TNNI3K: variants seen among roughly 807,000 people sequenced by gnomAD.
TNNI3K encodes the protein serine/threonine-protein kinase TNNI3K.
Under a neutral mutation model 114.5 loss-of-function variants are expected in TNNI3K, and 140 were observed. That is an observed-to-expected ratio of 1.22 (90% CI 1.07 to 1.41). The LOEUF (loss-of-function observed/expected upper bound fraction) is 1.41. Among genes scored for constraint, TNNI3K ranks in the 40% most tolerant of loss-of-function variants. TNNI3K has a pLI of 0.00. For missense variants in TNNI3K, 1,125 were observed against 1,007.6 expected, an observed-to-expected ratio of 1.12 and a Z score of -1.58; for synonymous variants, 347 against 347.5, an observed-to-expected ratio of 1.00 and a Z score of 0.02.
rs1040286282 is a variant in TNNI3K at position 74,236,541 on chromosome 1, G to A, written c.149+331G>A. On this transcript the variant is annotated intron_variant, in intron 2 of 24. Transcript: ENST00000326637. ...CATTCTTGTAAACCATGCCGGCAAT[G>A]AAAAGCAAGATTTTTCTTCCCACAT... Among the ~76,000 whole-genome samples the A allele has an allele frequency of 5.9e-5, 9 of 151,766 alleles. No individual in the cohort carries two copies. The South Asian group carries it at 1.7e-3, about 28-fold the overall frequency.
chr1:74,246,645 T>C (rs536186522), intron 2 of TNNI3K, among the ~76,000 whole-genome samples: 10 of 152,266 alleles, frequency 6.6e-5, no homozygotes, highest in Middle Eastern at 3.4e-3. Context: ...AAAAACTATG[T>C]AACCAGCAGC....
chr1:74,451,731 CTT>C (rs1429001292), intron 20 of TNNI3K, among the ~76,000 whole-genome samples: 2 of 49,790 alleles, frequency 4.0e-5, no homozygotes, highest in Non-Finnish European at 7.5e-5. Flanking sequence ...TTCTTTCTTT[CTT>C]TCTTTCTTTC....
intron 17 of TNNI3K, among the ~76,000 whole-genome samples, chr1:74,415,622 G>A (rs888379867): frequency 2.6e-4 from 40 of 151,670 alleles, no homozygotes; most frequent in African/African-American, 9.2e-4. Flanking sequence ...CTTATTAAAT[G>A]TTACTAATTT....
At chr1:74,247,177 G>A (rs1355750212) in intron 2 of TNNI3K, among the ~76,000 whole-genome samples, 1 of 152,154 alleles carries the variant, frequency 6.6e-6, no homozygotes, top group African/African-American at 2.4e-5. Context: ...GTTTGGACGT[G>A]TTCCGAGTTT....
intron 5 of TNNI3K, among the ~76,000 whole-genome samples, chr1:74,310,569 A>T (rs116266522): frequency 6.6e-6 from 1 of 152,216 alleles, no homozygotes; most frequent in Non-Finnish European, 1.5e-5. Context: ...TCCAAACTAT[A>T]CTACAAGCCT....
intron 5 of TNNI3K, among the ~76,000 whole-genome samples, chr1:74,321,631 G>GTGTCTC (rs1189191711): frequency 6.6e-5 from 10 of 151,726 alleles, no homozygotes; most frequent in African/African-American, 2.4e-4. Flanking sequence ...AAGTTAGTGT[G>GTGTCTC]TGTCTCTAAG....
chr1:74,394,382 T>A (rs1409835731), intron 17 of TNNI3K, among the ~76,000 whole-genome samples: 4 of 152,210 alleles, frequency 2.6e-5, no homozygotes, highest in Admixed American at 1.3e-4. Flanking sequence ...ATAACTCTTA[T>A]AAATAATTTT....
intron 5 of TNNI3K, among the ~76,000 whole-genome samples, chr1:74,284,114 T>C (rs1052104512): frequency 3.9e-5 from 6 of 152,150 alleles, no homozygotes; most frequent in Non-Finnish European, 7.4e-5. Context: ...GAATACATTG[T>C]AATAATAATA....
intron 5 of TNNI3K, among the ~76,000 whole-genome samples, chr1:74,291,768 A>G (rs930373891): frequency 1.2e-4 from 18 of 151,494 alleles, no homozygotes; most frequent in African/African-American, 4.1e-4. Flanking sequence ...TTATTATCTT[A>G]AGGTTTGATG....
intron 6 of TNNI3K, among the ~76,000 whole-genome samples, chr1:74,331,976 A>G (rs1660227257): frequency 6.6e-6 from 1 of 152,166 alleles, no homozygotes; most frequent in South Asian, 2.1e-4. Flanking sequence ...TATAGCTGTG[A>G]TGATGCTAAT....
intron 20 of TNNI3K, among the ~76,000 whole-genome samples, chr1:74,457,599 A>G (rs1168254409): frequency 6.6e-6 from 1 of 152,186 alleles, no homozygotes; most frequent in Non-Finnish European, 1.5e-5. Flanking sequence ...CATAAACACA[A>G]TCAAAGTTGA....
chr1:74,368,727 A>G (rs1241666451), intron 13 of TNNI3K, among the ~76,000 whole-genome samples: 1 of 151,734 alleles, frequency 6.6e-6, no homozygotes, highest in African/African-American at 2.4e-5. Context: ...TAGCGCTGGT[A>G]ACCAGATCAG....
At chr1:74,271,969 C>T (rs938232785) in intron 5 of TNNI3K, among the ~76,000 whole-genome samples, 8 of 151,884 alleles carry the variant, frequency 5.3e-5, no homozygotes, top group African/African-American at 1.9e-4. Context: ...GTTTCCACAA[C>T]TTGCTATTTT....
chr1:74,473,329 C>T (rs896152747), intron 21 of TNNI3K, among the ~76,000 whole-genome samples: 2 of 151,656 alleles, frequency 1.3e-5, no homozygotes, highest in African/African-American at 2.4e-5. Context: ...GAACCCAAGT[C>T]TATCTGACAT....
chr1:74,344,505 A>G (rs1660899398), intron 9 of TNNI3K, among the ~76,000 whole-genome samples: 1 of 152,204 alleles, frequency 6.6e-6, no homozygotes, highest in African/African-American at 2.4e-5. Flanking sequence ...AACAGAACAG[A>G]TGCAAGAACT....
At chr1:74,270,487 G>C (rs779711033) in intron 4 of TNNI3K, among the ~76,000 whole-genome samples, 3 of 151,776 alleles carry the variant, frequency 2.0e-5, no homozygotes, top group Non-Finnish European at 4.4e-5. Context: ...TTTCTTGGGA[G>C]AGCAGGTAGA....
At chr1:74,454,038 CTA>C (rs927607654) in intron 20 of TNNI3K, among the ~76,000 whole-genome samples, 3 of 152,098 alleles carry the variant, frequency 2.0e-5, no homozygotes, top group African/African-American at 7.2e-5. Flanking sequence ...TTTAACCTAT[CTA>C]TACCTTAGTT....
At chr1:74,403,572 A>T (rs699839) in intron 17 of TNNI3K, among the ~76,000 whole-genome samples, 141,324 of 152,222 alleles carry the variant, frequency 0.93, 65,622 homozygotes, top group East Asian at 0.98. Flanking sequence ...CATAACAAGT[A>T]ATCAGAGGGG....
rs184935091 is a variant in TNNI3K at position 74,243,889 on chromosome 1, G to T, written c.150-5570G>T. ...GTTAAGTTACAGTGTGGCATGGCAG[G>T]TGATGAAAAATGTAAGGGGAAATTA... On this transcript the variant is annotated intron_variant, in intron 2 of 24. Transcript: ENST00000326637. 1.2e-3 allele frequency among the ~76,000 whole-genome samples: 176 copies of T among 152,170 alleles called. 1 individual carries two copies. Among genetic ancestry groups the T allele is most frequent in the African/African-American group, 4.2e-3 (173 of 41,528 alleles).
Sources: allele counts gnomAD v4.1 joint callset (sites outside exome capture counted in the v4.1 genomes callset), GRCh38; gene constraint gnomAD v4.1.1; transcripts MANE v1.5; gene names NCBI Gene and HGNC (gene_info 2026-07-23, HGNC 2026-07-21).